The following CYP3A7 variants were observed in gnomAD, a reference collection of about 807,000 sequenced individuals.
CYP3A7 encodes cytochrome P450 3A7.
A neutral mutation model predicts 55.2 loss-of-function variants in CYP3A7; 45 were observed. That is an observed-to-expected ratio of 0.82 (90% CI 0.64 to 1.05). CYP3A7 has a LOEUF of 1.05. Ranked by LOEUF, CYP3A7 falls within the 50% of genes least tolerant of loss-of-function variation. CYP3A7 has a pLI of 0.00. For synonymous variants in CYP3A7, 180 were observed against 207.4 expected (o/e 0.87, Z 1.13); for missense variants, 548 against 605.3 (o/e 0.91, Z 0.99).
intron 2 of CYP3A7, among the ~76,000 whole-genome samples, chr7:99,729,793 C>G (rs761959339): frequency 1.3e-5 from 2 of 152,128 alleles, no homozygotes; most frequent in Non-Finnish European, 2.9e-5. Context: ...CTGCTTACCC[C>G]ACTCCTATAA....
chr7:99,706,181 A>G (rs1251804503), intron 12 of CYP3A7, among the ~76,000 whole-genome samples: 2 of 152,172 alleles, frequency 1.3e-5, no homozygotes, highest in Non-Finnish European at 2.9e-5. Flanking sequence ...GGAACCTCTC[A>G]ATTCCTACAG....
intron 9 of CYP3A7, among the ~76,000 whole-genome samples, chr7:99,711,637 G>A (rs762841984): frequency 2.0e-5 from 3 of 152,104 alleles, no homozygotes; most frequent in Non-Finnish European, 2.9e-5. Flanking sequence ...GCATGGTGAC[G>A]CATGCCTGTA....
intron 2 of CYP3A7, among the ~76,000 whole-genome samples, chr7:99,729,455 C>T (rs1435898444): frequency 1.3e-5 from 2 of 152,012 alleles, no homozygotes; most frequent in African/African-American, 4.8e-5. Flanking sequence ...TTTGCTGCCC[C>T]AACACTTTGC....
chr7:99,713,378 C>T (rs1360321691), intron 9 of CYP3A7, 91 bp downstream of exon 9: 1 of 1,581,412 alleles, frequency 6.3e-7, no homozygotes, highest in African/African-American at 1.3e-5. Flanking sequence ...CAGAAATTCT[C>T]ATCTACCTGG....
Position 99,709,169 on chromosome 7 carries a change from A to C in CYP3A7, c.1119T>G (p.Leu373=). ...CAACATCTTTTTTGCAGACCCTCTC[A>C]AGTCTCATAGCAACTGGGAATAATC... ...TLRLFPVAMR[L]ERVCKKDVEI... The change falls in exon 11 of 13, where the codon CTT becomes CTG. Residue 373 remains leucine, a synonymous_variant. Transcript: ENST00000336374. 5.6e-6 allele frequency: 9 copies of C among 1,614,000 alleles called. No homozygotes were observed. The highest frequency in any genetic ancestry group is 7.6e-6 in the Non-Finnish European group (9 of 1,179,944).
intron 4 of CYP3A7, among the ~76,000 whole-genome samples, chr7:99,719,305 A>C (rs1814091574): frequency 6.6e-6 from 1 of 152,206 alleles, no homozygotes; most frequent in Non-Finnish European, 1.5e-5. Context: ...AGGAATAAAC[A>C]CAGTGATCAA....
intron 2 of CYP3A7, among the ~76,000 whole-genome samples, chr7:99,724,376 A>T (rs566660207): frequency 6.6e-6 from 1 of 152,306 alleles, no homozygotes; most frequent in South Asian, 2.1e-4. Flanking sequence ...AAAAATGGGC[A>T]AATGGTCTGA....
chr7:99,714,684 T>C lies in CYP3A7; in HGVS notation c.671-2A>G, dbSNP rs745458588. On this transcript the variant is annotated splice_acceptor_variant, in intron 7 of 12. Transcript: ENST00000336374. LOFTEE classifies it high-confidence loss of function. ...TTGGGGTAAGGAATGGAAAGACTTC[T>C]GTAGAAAAAAAAAACCAACAGAAAA... is the stretch of plus-strand genomic sequence containing the variant. 1 of 1,611,292 alleles carries C rather than the reference T, an allele frequency of 6.2e-7. No homozygotes were observed. The highest frequency in any genetic ancestry group is 8.5e-7 in the Non-Finnish European group (1 of 1,178,944).
chr7:99,732,480 TTGCGTCTGCACATCAAC>T (rs1814666259), intron 1 of CYP3A7, among the ~76,000 whole-genome samples: 1 of 152,152 alleles, frequency 6.6e-6, no homozygotes, highest in East Asian at 1.9e-4. Flanking sequence ...AGTCAGTTTA[TTGCGTCTGCACATCAAC>T]TGTCTCTGTA....
chr7:99,709,301 T>C, intron 10 of CYP3A7, 40 bp from the exon 11 acceptor site: 1 of 1,599,170 alleles, frequency 6.3e-7, no homozygotes, highest in Non-Finnish European at 8.5e-7. Context: ...TTGAGATTTT[T>C]GAATTAACTT....
intron 2 of CYP3A7, 57 bp from the exon 3 acceptor site, chr7:99,722,405 C>T: frequency 6.3e-7 from 1 of 1,595,262 alleles, no homozygotes; most frequent in Non-Finnish European, 8.6e-7. Context: ...TTAACCCTGC[C>T]TCTAATTGGG....
intron 4 of CYP3A7, among the ~76,000 whole-genome samples, chr7:99,718,103 C>G (rs1053411669): frequency 1.3e-5 from 2 of 151,892 alleles, no homozygotes; most frequent in African/African-American, 4.8e-5. Context: ...AGGGGAACAT[C>G]ACACACTGGG....
At chr7:99,708,091 G>A in intron 11 of CYP3A7, 117 bp from the exon 12 acceptor site, 1 of 1,440,726 alleles carries the variant, frequency 6.9e-7, no homozygotes, top group South Asian at 1.2e-5. Context: ...GGATACTTTT[G>A]TGGGCTAGTC....
intron 12 of CYP3A7, among the ~76,000 whole-genome samples, chr7:99,706,096 G>T (rs1813512714): frequency 6.6e-6 from 1 of 152,134 alleles, no homozygotes; most frequent in Admixed American, 6.5e-5. Context: ...TGTAAAGATG[G>T]GAAGACACCT....
chr7:99,727,204 C>G (rs1451814517), intron 2 of CYP3A7, among the ~76,000 whole-genome samples: 1 of 152,176 alleles, frequency 6.6e-6, no homozygotes, highest in African/African-American at 2.4e-5. Context: ...GGAATTCTTA[C>G]ACAAGGACTG....
Position 99,707,905 on chromosome 7 carries a change from G to A in CYP3A7, c.1323C>T (p.Asn441=), listed in dbSNP as rs767684783. Residue 441 remains asparagine (N), a synonymous_variant, in exon 12 of 13, where the codon AAC becomes AAT. Transcript: ENST00000336374. ...CGAGAGCAAACCTCATGCCAATGCA[G>A]TTTCTGGGTCCACTTCCAAAGGGTG... The part of the protein sequence containing the change: ...IYTPFGSGPR[N]CIGMRFALVN... 1.2e-6 allele frequency: 2 copies of A among 1,614,056 alleles called. No homozygotes were observed. The highest frequency in any genetic ancestry group is 1.1e-5 in the South Asian group (1 of 91,082).
chr7:99,708,733 A>C (rs1014575990), intron 11 of CYP3A7, among the ~76,000 whole-genome samples: 6 of 152,120 alleles, frequency 3.9e-5, no homozygotes, highest in African/African-American at 1.4e-4. Context: ...TGTGGGACAT[A>C]ATAATAGCAT....
chr7:99,717,744 G>A, intron 4 of CYP3A7, 105 bp from the exon 5 acceptor site: 1 of 1,388,866 alleles, frequency 7.2e-7, no homozygotes, highest in Non-Finnish European at 1.0e-6. Context: ...AATATTTAGT[G>A]ACTGTCTACT....
At chr7:99,714,437 G>A (rs1813861440) in intron 8 of CYP3A7, 118 bp downstream of exon 8, 2 of 1,466,482 alleles carry the variant, frequency 1.4e-6, no homozygotes, top group Non-Finnish European at 1.8e-6. Flanking sequence ...CTAAACATAA[G>A]TACTCTTTAT....
Sources: gnomAD v4.1 joint callset for allele counts (sites outside exome capture counted in the v4.1 genomes callset) on GRCh38, gnomAD v4.1.1 for gene constraint, MANE v1.5 for transcripts, NCBI Gene and HGNC (gene_info 2026-07-23, HGNC 2026-07-21) for gene names.